The following ASH1L variants were observed in gnomAD, a reference collection of about 807,000 sequenced individuals.
The protein encoded by ASH1L is histone-lysine N-methyltransferase ASH1L.
Under a neutral mutation model 269.0 loss-of-function variants are expected in ASH1L, and 23 were observed. The observed-to-expected ratio is 0.09, with a 90% confidence interval of 0.06 to 0.12. The LOEUF (loss-of-function observed/expected upper bound fraction) is 0.12, where lower values mean the gene tolerates loss of function less well. Ranked by LOEUF, ASH1L falls within the 10% of genes least tolerant of loss-of-function variation. ASH1L has a pLI of 1.00. For synonymous variants in ASH1L, 1,187 were observed against 1,253.5 expected (o/e 0.95, Z 1.12); for missense variants, 2,912 against 3,567.8 (o/e 0.82, Z 4.68).
intron 1 of ASH1L, among the ~76,000 whole-genome samples, chr1:155,524,125 A>G (rs183788404): frequency 1.3e-5 from 2 of 152,258 alleles, no homozygotes; most frequent in Admixed American, 6.5e-5. Flanking sequence ...ACTTCCCAAC[A>G]CACACCCACT....
intron 4 of ASH1L, 69 bp downstream of exon 4, chr1:155,459,727 TG>T: frequency 8.1e-7 from 1 of 1,240,240 alleles, no homozygotes; most frequent in Non-Finnish European, 1.2e-6. Context: ...TCTACAATAT[TG>T]TAACTCCTTA....
At chr1:155,379,177 A>G (rs1310775238) in intron 8 of ASH1L, among the ~76,000 whole-genome samples, 2 of 152,120 alleles carry the variant, frequency 1.3e-5, no homozygotes, top group East Asian at 3.8e-4. Flanking sequence ...ACAAACAGCA[A>G]CTTGCACAAA....
intron 2 of ASH1L, among the ~76,000 whole-genome samples, chr1:155,519,694 C>A (rs1668744045): frequency 6.6e-6 from 1 of 151,980 alleles, no homozygotes; most frequent in African/African-American, 2.4e-5. Context: ...ATTTCGCTTT[C>A]ATTGCCCAGG....
At chr1:155,369,686 C>T (rs965599544) in intron 12 of ASH1L, among the ~76,000 whole-genome samples, 3 of 152,048 alleles carry the variant, frequency 2.0e-5, no homozygotes, top group African/African-American at 7.2e-5. Context: ...AATAAGCATG[C>T]AGTAGAGTGG....
intron 1 of ASH1L, among the ~76,000 whole-genome samples, chr1:155,533,034 C>G (rs775093106): frequency 6.6e-6 from 1 of 150,902 alleles, no homozygotes; most frequent in Non-Finnish European, 1.5e-5. Flanking sequence ...CAGAACTACT[C>G]TGGAAGACAA....
intron 6 of ASH1L, among the ~76,000 whole-genome samples, chr1:155,410,275 C>T (rs763190128): frequency 3.9e-5 from 6 of 151,990 alleles, no homozygotes; most frequent in Non-Finnish European, 5.9e-5. Context: ...TACAGCTGTG[C>T]GCCACCACAC....
intron 3 of ASH1L, among the ~76,000 whole-genome samples, chr1:155,473,347 A>G (rs1665255574): frequency 6.6e-6 from 1 of 152,236 alleles, no homozygotes; most frequent in South Asian, 2.1e-4. Context: ...CACTAGAACC[A>G]GCTATGTCTG....
rs71080709 is a variant in ASH1L at position 155,546,945 on chromosome 1, CTTTTTTTTTT to C, written c.-100+15198_-100+15207del. Among the ~76,000 whole-genome samples, 357 of 88,188 alleles carry C rather than the reference CTTTTTTTTTT, an allele frequency of 4.0e-3. 14 individuals are homozygous for C. The East Asian group carries it at 0.087, about 21-fold the overall frequency. The allele number at this position is 88,188 out of a possible 152,430, so 57.9% of individuals were successfully genotyped here. A position where few individuals can be genotyped will look rare whatever the true frequency, so the allele number is the denominator to read the frequency against. ...AAGACTACAAAGGTTTCATCACATT[CTTTTTTTTTT>C]TTTTTTTTTTTTTTTTGAGATGGAG... is the stretch of plus-strand genomic sequence containing the variant. On this transcript the variant is annotated intron_variant, in intron 1 of 27. Coordinates refer to ENST00000392403, the MANE Select transcript of ASH1L (RefSeq NM_018489.3).
At chr1:155,453,018 G>C (rs1274810774) in intron 4 of ASH1L, among the ~76,000 whole-genome samples, 1 of 152,164 alleles carries the variant, frequency 6.6e-6, no homozygotes, top group Non-Finnish European at 1.5e-5. Context: ...CTCTATGCAA[G>C]GAGGGCCTAG....
At chr1:155,352,634 A>C (rs1654033037) in intron 17 of ASH1L, 72 bp downstream of exon 17, 2 of 1,433,790 alleles carry the variant, frequency 1.4e-6, no homozygotes, top group Non-Finnish European at 1.9e-6. Context: ...GCAAGACCCT[A>C]TCTCTATTTA....
At chr1:155,386,825 T>C (rs1657470416) in intron 7 of ASH1L, among the ~76,000 whole-genome samples, 1 of 152,240 alleles carries the variant, frequency 6.6e-6, no homozygotes, top group African/African-American at 2.4e-5. Context: ...GTTCATAGTT[T>C]ATTTTGCTGC....
chr1:155,364,525 T>C (rs1655236427), intron 12 of ASH1L, among the ~76,000 whole-genome samples: 1 of 152,188 alleles, frequency 6.6e-6, no homozygotes, highest in African/African-American at 2.4e-5. Context: ...ATGTAGTGGT[T>C]TTCCAATTTA....
At chr1:155,365,372 ATTTTTTTTTT>A (rs142145021) in intron 12 of ASH1L, among the ~76,000 whole-genome samples, 9 of 124,242 alleles carry the variant, frequency 7.2e-5, no homozygotes, top group Admixed American at 2.5e-4. Flanking sequence ...TGCCCGGCTG[ATTTTTTTTTT>A]TTTTTTTTTT....
intron 13 of ASH1L, 138 bp downstream of exon 13, chr1:155,360,163 T>A (rs1654820870): frequency 1.6e-6 from 1 of 614,756 alleles, no homozygotes; most frequent in African/African-American, 1.8e-5. Flanking sequence ...GTGCTGGGAT[T>A]AAAGGTGTGA....
intron 2 of ASH1L, among the ~76,000 whole-genome samples, chr1:155,505,478 G>C (rs1275691346): frequency 6.6e-6 from 1 of 151,988 alleles, no homozygotes; most frequent in Non-Finnish European, 1.5e-5. Context: ...AGAGACTATG[G>C]GCAAAGTTAA....
intron 17 of ASH1L, among the ~76,000 whole-genome samples, chr1:155,352,138 CT>C (rs1446211603): frequency 3.3e-5 from 5 of 151,780 alleles, no homozygotes; most frequent in Non-Finnish European, 7.4e-5. Context: ...GACATACTTA[CT>C]GCAGTTTCAT....
intron 1 of ASH1L, among the ~76,000 whole-genome samples, chr1:155,536,406 G>A (rs895857015): frequency 6.6e-6 from 1 of 152,150 alleles, no homozygotes; most frequent in African/African-American, 2.4e-5. Context: ...AAGATCATCT[G>A]CTACTGAATT....
chr1:155,388,812 T>G (rs1012653415), intron 7 of ASH1L, among the ~76,000 whole-genome samples: 9 of 149,530 alleles, frequency 6.0e-5, no homozygotes, highest in Non-Finnish European at 8.9e-5. Flanking sequence ...CTCGATCTCC[T>G]GGGCTCAAGT....
intron 12 of ASH1L, among the ~76,000 whole-genome samples, chr1:155,366,337 C>T (rs1457922507): frequency 6.6e-6 from 1 of 152,172 alleles, no homozygotes; most frequent in Non-Finnish European, 1.5e-5. Context: ...AATTGTCCAC[C>T]ACTTTCCCAG....
Sources: gnomAD v4.1 joint callset for allele counts (sites outside exome capture counted in the v4.1 genomes callset) on GRCh38, gnomAD v4.1.1 for gene constraint, MANE v1.5 for transcripts, NCBI Gene and HGNC (gene_info 2026-07-23, HGNC 2026-07-21) for gene names.